KLF7: variants seen among roughly 807,000 people sequenced by gnomAD.
KLF7 encodes Krueppel-like factor 7.
Under a neutral mutation model 27.3 loss-of-function variants are expected in KLF7, and 2 were observed. The ratio of observed to expected loss-of-function variants is 0.07; its 90% CI spans 0.03 to 0.23. The LOEUF (loss-of-function observed/expected upper bound fraction) is 0.23. Ranked by LOEUF, KLF7 falls within the 10% of genes least tolerant of loss-of-function variation. The pLI is 1.00. For missense variants in KLF7, 221 were observed against 394.1 expected, an observed-to-expected ratio of 0.56 and a Z score of 3.72; for synonymous variants, 165 against 162.4, an observed-to-expected ratio of 1.02 and a Z score of -0.12.
intron 2 of KLF7, among the ~76,000 whole-genome samples, chr2:207,094,034 G>A (rs2076570711): frequency 6.6e-6 from 1 of 152,148 alleles, no homozygotes; most frequent in Admixed American, 6.5e-5. Context: ...TATCCCCTCT[G>A]GGAAGCAAAG....
At chr2:207,091,337 C>G (rs1313299123) in intron 2 of KLF7, among the ~76,000 whole-genome samples, 1 of 152,222 alleles carries the variant, frequency 6.6e-6, no homozygotes, top group East Asian at 1.9e-4. Flanking sequence ...AACCCAGGAG[C>G]TATTTCAGTG....
intron 1 of KLF7, among the ~76,000 whole-genome samples, chr2:207,143,504 G>T (rs1028702410): frequency 5.9e-5 from 9 of 152,046 alleles, no homozygotes; most frequent in African/African-American, 1.9e-4. Flanking sequence ...CGGAGTCTGG[G>T]TATGTTTTTC....
intron 2 of KLF7, among the ~76,000 whole-genome samples, chr2:207,111,040 AC>A (rs1042564338): frequency 6.6e-6 from 1 of 152,064 alleles, no homozygotes; most frequent in Non-Finnish European, 1.5e-5. Flanking sequence ...CCAGTAGCAT[AC>A]CCCCAACCCC....
At chr2:207,116,781 AC>A (rs1313944838) in intron 2 of KLF7, among the ~76,000 whole-genome samples, 1 of 152,194 alleles carries the variant, frequency 6.6e-6, no homozygotes, top group East Asian at 1.9e-4. Flanking sequence ...GAACTCGCCC[AC>A]CCTTGAAACC....
intron 1 of KLF7, among the ~76,000 whole-genome samples, chr2:207,135,189 G>C (rs2077751139): frequency 6.6e-6 from 1 of 152,096 alleles, no homozygotes; most frequent in Admixed American, 6.5e-5. Context: ...ACTTCCAGGG[G>C]CCCACTAATC....
At chr2:207,164,719 T>A (rs925528991) in intron 1 of KLF7, among the ~76,000 whole-genome samples, 5 of 152,110 alleles carry the variant, frequency 3.3e-5, no homozygotes, top group African/African-American at 1.2e-4. Flanking sequence ...GAAGCACACA[T>A]CAGCCTTTGT....
chr2:207,123,501 A>T (rs2077394373), intron 2 of KLF7, among the ~76,000 whole-genome samples: 1 of 152,228 alleles, frequency 6.6e-6, no homozygotes, highest in Non-Finnish European at 1.5e-5. Flanking sequence ...AACAGCTATG[A>T]GTCACTGCCA....
chr2:207,110,905 C>T (rs2077019088), intron 2 of KLF7, among the ~76,000 whole-genome samples: 1 of 152,176 alleles, frequency 6.6e-6, no homozygotes, highest in African/African-American at 2.4e-5. Context: ...GCTAAGGTTG[C>T]ATTAGGCCAG....
the KLF7 span, chr2:207,173,600 A>T: frequency 6.6e-6 from 1 of 152,152 alleles, no homozygotes; most frequent in Non-Finnish European, 1.5e-5. Flanking sequence ...TTCTGTGGGC[A>T]TATTACAGTT....
intron 1 of KLF7, among the ~76,000 whole-genome samples, chr2:207,131,965 A>G (rs1206807095): frequency 6.6e-6 from 1 of 152,126 alleles, no homozygotes; most frequent in Non-Finnish European, 1.5e-5. Context: ...CACTGAATCT[A>G]CCTCGTGGCA....
At chr2:207,127,770 G>A (rs2077520913) in intron 1 of KLF7, among the ~76,000 whole-genome samples, 1 of 152,170 alleles carries the variant, frequency 6.6e-6, no homozygotes, top group East Asian at 1.9e-4. Context: ...TTGAACCCAG[G>A]AGGTGGAGGT....
At chr2:207,088,325 G>T in intron 3 of KLF7, 133 bp downstream of exon 3, 1 of 1,055,374 alleles carries the variant, frequency 9.5e-7, no homozygotes, top group Non-Finnish European at 1.3e-6. Flanking sequence ...CCTCTCCATG[G>T]AGAAAAGGCA....
chr2:207,089,629 G>A (rs903891868), intron 2 of KLF7, among the ~76,000 whole-genome samples: 18 of 152,164 alleles, frequency 1.2e-4, no homozygotes, highest in African/African-American at 4.1e-4. Context: ...TAAGAGCTTT[G>A]AAGCCAAACT....
At chr2:207,116,994 T>G (rs1295295260) in intron 2 of KLF7, among the ~76,000 whole-genome samples, 1 of 152,212 alleles carries the variant, frequency 6.6e-6, no homozygotes, top group Non-Finnish European at 1.5e-5. Context: ...GAGGGACTAG[T>G]GTATGTACAG....
chr2:207,141,677 G>T, intron 1 of KLF7, among the ~76,000 whole-genome samples: 1 of 152,246 alleles, frequency 6.6e-6, no homozygotes, highest in Non-Finnish European at 1.5e-5. Context: ...TTGGCAATGA[G>T]TATTAAAAAG....
chr2:207,167,859 A>G (rs553309241), upstream of KLF7, among the ~76,000 whole-genome samples: 1 of 152,362 alleles, frequency 6.6e-6, no homozygotes, highest in Admixed American at 6.5e-5. Context: ...CTAGCATAGT[A>G]TCTGACACTA....
chr2:207,147,835 G>A (rs535288294), intron 1 of KLF7, among the ~76,000 whole-genome samples: 78 of 152,296 alleles, frequency 5.1e-4, no homozygotes, highest in Non-Finnish European at 9.1e-4. Flanking sequence ...CGGTGGCTTC[G>A]ATGGGTTCTG....
rs2105830125 is a variant in KLF7, at chr2:207,076,266, TG to T, written c.*4946del. ...CCAAAGCTCACAGTTGAAAAAAAAT[TG>T]TATAAACAGTCCCCAACAAAGAACA... On this transcript the variant is annotated 3_prime_UTR_variant, in exon 4 of 4. Coordinates refer to ENST00000309446, the MANE Select transcript of KLF7 (RefSeq NM_003709.4). 1 of 152,100 alleles carries T rather than the reference TG, an allele frequency of 6.6e-6. No individual in the cohort carries two copies. The highest frequency in any genetic ancestry group is 6.5e-5 in the Admixed American group (1 of 15,274). The allele number at this position is 152,100 out of a possible 1,614,324, so 9.4% of individuals were successfully genotyped here. A position where few individuals can be genotyped will look rare whatever the true frequency, so the allele number is the denominator to read the frequency against.
upstream of KLF7, among the ~76,000 whole-genome samples, chr2:207,171,567 C>G (rs2078786190): frequency 1.3e-5 from 2 of 152,152 alleles, no homozygotes; most frequent in South Asian, 2.1e-4. Context: ...TAAGAAATTG[C>G]CACAGCCCCT....
Sources: gnomAD v4.1 joint callset for allele counts (sites outside exome capture counted in the v4.1 genomes callset) on GRCh38, gnomAD v4.1.1 for gene constraint, MANE v1.5 for transcripts, NCBI Gene and HGNC (gene_info 2026-07-23, HGNC 2026-07-21) for gene names.